The following FGF10 variants were observed in gnomAD, a reference collection of about 807,000 sequenced individuals.
The protein encoded by FGF10 is FGF-10.
FGF10 carries 2 observed loss-of-function variants against 19.8 expected under a neutral mutation model. The ratio of observed to expected loss-of-function variants is 0.10; its 90% CI spans 0.04 to 0.32. The LOEUF (loss-of-function observed/expected upper bound fraction) is 0.32, where lower values mean the gene tolerates loss of function less well. Ranked by LOEUF, FGF10 falls within the 10% of genes least tolerant of loss-of-function variation. FGF10 has a pLI of 1.00. For synonymous variants in FGF10, 112 were observed against 94.0 expected, an observed-to-expected ratio of 1.19 and a Z score of -1.10; for missense variants, 191 against 246.3, an observed-to-expected ratio of 0.78 and a Z score of 1.50.
chr5:44,366,264 C>G (rs967127214), intron 1 of FGF10, among the ~76,000 whole-genome samples: 1 of 147,978 alleles, frequency 6.8e-6, no homozygotes, highest in African/African-American at 2.5e-5. Flanking sequence ...ATCTTTTATG[C>G]TTTGTTGAGA....
chr5:44,321,201 C>G (rs1303137635), intron 1 of FGF10, among the ~76,000 whole-genome samples: 1 of 152,112 alleles, frequency 6.6e-6, no homozygotes, highest in African/African-American at 2.4e-5. Context: ...GGCTGCAGTT[C>G]AAAAGTTGGC....
chr5:44,312,977 C>T (rs1478513481), intron 1 of FGF10, among the ~76,000 whole-genome samples: 1 of 151,998 alleles, frequency 6.6e-6, no homozygotes, highest in South Asian at 2.1e-4. Context: ...AGCTTAGATA[C>T]CCCTTTGTTT....
In FGF10 at chr5:44,303,901, A is replaced by G. The variant is rs893883552; in HGVS notation, c.*1094T>C. The G allele has an allele frequency of 6.6e-6, 1 of 152,198 alleles. No individual in the cohort carries two copies. Among genetic ancestry groups the G allele is most frequent in the Admixed American group, 6.5e-5 (1 of 15,274 alleles). 9.4% of individuals were successfully genotyped at this position (152,198 alleles called of 1,614,324 possible). ...AGATGTGGACAGCCTCTTTACCGCCATGACATTTGGCAAGAAATCATGAGT... is the reference window on the plus strand; with the variant it reads ...AGATGTGGACAGCCTCTTTACCGCCGTGACATTTGGCAAGAAATCATGAGT... On this transcript the variant is annotated 3_prime_UTR_variant, in exon 3 of 3. Coordinates refer to ENST00000264664, the MANE Select transcript of FGF10 (RefSeq NM_004465.2).
At chr5:44,384,803 C>T (rs1170190546) in intron 1 of FGF10, among the ~76,000 whole-genome samples, 1 of 152,110 alleles carries the variant, frequency 6.6e-6, no homozygotes, top group African/African-American at 2.4e-5. Context: ...TCTATTGCCT[C>T]CCATTCTTCT....
chr5:44,336,417 C>A (rs909206994), intron 1 of FGF10, among the ~76,000 whole-genome samples: 2 of 152,102 alleles, frequency 1.3e-5, no homozygotes, highest in Non-Finnish European at 2.9e-5. Context: ...GTTTCAAATA[C>A]TTACTGTGAT....
intron 1 of FGF10, among the ~76,000 whole-genome samples, chr5:44,374,374 C>T (rs1443144598): frequency 6.6e-6 from 1 of 152,112 alleles, no homozygotes; most frequent in African/African-American, 2.4e-5. Flanking sequence ...TTTACAAATA[C>T]AGTAACATTC....
Position 44,351,909 on chromosome 5 carries a change from C to T in FGF10, c.325+36449G>A, listed in dbSNP as rs189906272. 1.1e-3 allele frequency among the ~76,000 whole-genome samples: 161 copies of T among 151,582 alleles called. 1 individual carries two copies. The highest frequency in any genetic ancestry group is 5.5e-4 in the Non-Finnish European group (37 of 67,698). ...TTACTGATTTATATCTTGATTTTTA[C>T]GTTTAAGGTCTGGATTTTCCAAGTG... On this transcript the variant is annotated intron_variant, in intron 1 of 2. Coordinates refer to ENST00000264664, the MANE Select transcript of FGF10 (RefSeq NM_004465.2).
chr5:44,359,465 T>C (rs925688748), intron 1 of FGF10, among the ~76,000 whole-genome samples: 20 of 151,340 alleles, frequency 1.3e-4, no homozygotes, highest in Admixed American at 4.0e-4. Flanking sequence ...AGAAGGAAAA[T>C]GTGAATTAGA....
intron 1 of FGF10, among the ~76,000 whole-genome samples, chr5:44,330,815 T>A (rs1740716858): frequency 6.6e-6 from 1 of 152,126 alleles, no homozygotes; most frequent in Non-Finnish European, 1.5e-5. Flanking sequence ...ATGTCAAAAT[T>A]ACAATTTAAA....
chr5:44,366,127 C>CTTTTTTTTTTTTTTTTT (rs35522683), intron 1 of FGF10, among the ~76,000 whole-genome samples: 3 of 74,810 alleles, frequency 4.0e-5, no homozygotes, highest in Non-Finnish European at 7.0e-5. Context: ...CAATTATTTC[C>CTTTTTTTTTTTTTTTTT]TTTTTTTTTT....
At chr5:44,332,501 G>A (rs1463330415) in intron 1 of FGF10, among the ~76,000 whole-genome samples, 1 of 152,110 alleles carries the variant, frequency 6.6e-6, no homozygotes, top group Non-Finnish European at 1.5e-5. Context: ...ACTGAGAGTG[G>A]TTCTTAAAAG....
At chr5:44,370,145 T>C (rs1415318522) in intron 1 of FGF10, among the ~76,000 whole-genome samples, 3 of 152,146 alleles carry the variant, frequency 2.0e-5, no homozygotes, top group East Asian at 3.9e-4. Context: ...GAAATATCTA[T>C]TACTGCCTGT....
chr5:44,311,420 A>G (rs1373343886), intron 1 of FGF10, among the ~76,000 whole-genome samples: 1 of 152,116 alleles, frequency 6.6e-6, no homozygotes, highest in Non-Finnish European at 1.5e-5. Flanking sequence ...TGTTCAGGGT[A>G]GAGAAGTAGC....
intron 1 of FGF10, among the ~76,000 whole-genome samples, chr5:44,374,284 G>C (rs2128433): frequency 0.8 from 122,210 of 152,010 alleles, 53,342 homozygotes; most frequent in Non-Finnish European, 0.98. Context: ...GGGCACTTGT[G>C]ATGGCATTAA....
chr5:44,332,932 A>G, intron 1 of FGF10, among the ~76,000 whole-genome samples: 1 of 152,080 alleles, frequency 6.6e-6, no homozygotes, highest in East Asian at 1.9e-4. Flanking sequence ...AATTAAATCC[A>G]CCAGATTGAA....
chr5:44,334,488 G>T (rs1740803398), intron 1 of FGF10, among the ~76,000 whole-genome samples: 1 of 151,976 alleles, frequency 6.6e-6, no homozygotes, highest in Non-Finnish European at 1.5e-5. Flanking sequence ...CTTCCCACAG[G>T]GAAATTTTTT....
At chr5:44,348,814 A>G (rs1032238138) in intron 1 of FGF10, among the ~76,000 whole-genome samples, 6 of 151,568 alleles carry the variant, frequency 4.0e-5, no homozygotes, top group African/African-American at 1.5e-4. Flanking sequence ...TGGCAGCTCT[A>G]CATGGGGAGA....
At chr5:44,367,380 C>T (rs547486153) in intron 1 of FGF10, among the ~76,000 whole-genome samples, 2 of 152,120 alleles carry the variant, frequency 1.3e-5, no homozygotes, top group African/African-American at 4.8e-5. Flanking sequence ...TGGAAGTTTC[C>T]TCTAGCTATA....
chr5:44,344,566 C>CTGTGTGTGTGTGTGTGTG (rs1455840251), intron 1 of FGF10, among the ~76,000 whole-genome samples: 4 of 16,060 alleles, frequency 2.5e-4, no homozygotes, highest in Non-Finnish European at 5.5e-4. Flanking sequence ...GTTTTGTTTT[C>CTGTGTGTGTGTGTGTGTG]TCTGTGTGTG....
Sources: gnomAD v4.1 joint callset for allele counts (sites outside exome capture counted in the v4.1 genomes callset) on GRCh38, gnomAD v4.1.1 for gene constraint, MANE v1.5 for transcripts, NCBI Gene and HGNC (gene_info 2026-07-23, HGNC 2026-07-21) for gene names.